STX18: variants seen among roughly 807,000 people sequenced by gnomAD.
STX18 encodes syntaxin 18.
A neutral mutation model predicts 50.1 loss-of-function variants in STX18; 40 were observed. The observed-to-expected ratio is 0.80, with a 90% confidence interval of 0.62 to 1.04. The LOEUF (loss-of-function observed/expected upper bound fraction) is 1.04. Ranked by LOEUF, STX18 falls within the 50% of genes least tolerant of loss-of-function variation. The probability of loss-of-function intolerance (pLI) is 0.00; values close to 1 mark genes in which losing one functional copy is unlikely to be tolerated. For synonymous variants in STX18, 158 were observed against 151.8 expected (o/e 1.04, Z -0.30); for missense variants, 410 against 415.8 (o/e 0.99, Z 0.12).
In STX18 at chr4:4,505,235, C is replaced by T. The variant is rs2108883825; in HGVS notation, c.169-33529G>A. Among the ~76,000 whole-genome samples the T allele has an allele frequency of 2.0e-5, 3 of 152,332 alleles. No individual in the cohort carries two copies. In the Middle Eastern group the frequency reaches 0.01, roughly 518 times the overall value. On this transcript the variant is annotated intron_variant, in intron 1 of 10. Coordinates refer to ENST00000306200, the MANE Select transcript of STX18 (RefSeq NM_016930.4). Reference sequence around the variant, plus strand: ...TTGAAAATATGGGAAGTCAAAAATGCATTTAATACACCTAACCTACCAAAC... The same window carrying T: ...TTGAAAATATGGGAAGTCAAAAATGTATTTAATACACCTAACCTACCAAAC...
chr4:4,450,686 G>C (rs1312819644), intron 5 of STX18, among the ~76,000 whole-genome samples: 1 of 152,048 alleles, frequency 6.6e-6, no homozygotes, highest in Non-Finnish European at 1.5e-5. Flanking sequence ...CTCCAGCACG[G>C]ATCAGTCCCT....
At chr4:4,473,342 G>C (rs560746004) in intron 1 of STX18, among the ~76,000 whole-genome samples, 2 of 150,196 alleles carry the variant, frequency 1.3e-5, no homozygotes, top group South Asian at 4.3e-4. Context: ...ACCAGGGCTG[G>C]AGTGCAGTGG....
At chr4:4,514,950 A>T (rs536328921) in intron 1 of STX18, among the ~76,000 whole-genome samples, 3 of 152,320 alleles carry the variant, frequency 2.0e-5, no homozygotes, top group East Asian at 3.9e-4. Flanking sequence ...TCCATAAACT[A>T]TGGGGACAGG....
intron 2 of STX18, among the ~76,000 whole-genome samples, chr4:4,461,264 T>C (rs1368465862): frequency 6.6e-6 from 1 of 152,202 alleles, no homozygotes. Context: ...ATTCTATTAG[T>C]AAGAACAACA....
At chr4:4,531,427 T>G (rs976011938) in intron 1 of STX18, among the ~76,000 whole-genome samples, 8 of 152,342 alleles carry the variant, frequency 5.3e-5, no homozygotes, top group Admixed American at 5.2e-4. Flanking sequence ...TACTAGAAAC[T>G]CTTTTTGTTG....
At chr4:4,458,257 T>C (rs1017841842) in intron 3 of STX18, among the ~76,000 whole-genome samples, 1 of 152,212 alleles carries the variant, frequency 6.6e-6, no homozygotes, top group South Asian at 2.1e-4. Flanking sequence ...TATGTAAATG[T>C]AGGTTTTGTT....
chr4:4,459,090 A>AC, intron 3 of STX18, among the ~76,000 whole-genome samples: 2 of 150,352 alleles, frequency 1.3e-5, no homozygotes, highest in Non-Finnish European at 1.5e-5. Context: ...ACACACACAC[A>AC]AATTTGTCTT....
chr4:4,425,146 G>A lies in STX18; in HGVS notation c.761+18C>T, dbSNP rs1318194164. On this transcript the variant is annotated intron_variant, in intron 8 of 10. Coordinates refer to ENST00000306200, the MANE Select transcript of STX18 (RefSeq NM_016930.4). ...TTGTAAAGCAGGCTATCAGCTCACA[G>A]AGGAGCTACAAACATACCTCACTTC... is the stretch of plus-strand genomic sequence containing the variant. 1 of 1,606,296 alleles carries A rather than the reference G, an allele frequency of 6.2e-7. No individual in the cohort carries two copies. Among genetic ancestry groups the A allele is most frequent in the Non-Finnish European group, 8.5e-7 (1 of 1,172,928 alleles).
At chr4:4,517,518 T>C (rs1172659080) in intron 1 of STX18, among the ~76,000 whole-genome samples, 1 of 152,194 alleles carries the variant, frequency 6.6e-6, no homozygotes, top group African/African-American at 2.4e-5. Flanking sequence ...GAAAGCTTTA[T>C]AATTAAAACA....
intron 1 of STX18, among the ~76,000 whole-genome samples, chr4:4,501,311 T>A (rs1729448051): frequency 6.6e-6 from 1 of 152,152 alleles, no homozygotes; most frequent in African/African-American, 2.4e-5. Flanking sequence ...CCTCATTCTG[T>A]TTGCCTCACA....
At chr4:4,465,068 G>A (rs962407304) in intron 2 of STX18, among the ~76,000 whole-genome samples, 6 of 152,074 alleles carry the variant, frequency 3.9e-5, no homozygotes, top group African/African-American at 7.2e-5. Flanking sequence ...TGGGCATTTA[G>A]TGCTATAAAT....
chr4:4,507,879 T>C (rs1171525317), intron 1 of STX18: 1 of 563,982 alleles, frequency 1.8e-6, no homozygotes, highest in Non-Finnish European at 3.1e-6. Context: ...ACGAGTTTCC[T>C]AGTCCCTTAT....
At chr4:4,462,057 C>T (rs939241847) in intron 2 of STX18, 9 of 446,094 alleles carry the variant, frequency 2.0e-5, no homozygotes, top group African/African-American at 1.0e-4. Context: ...CAAGGCCACC[C>T]GCCTGCAAAC....
chr4:4,537,171 C>A (rs4689878), intron 1 of STX18, among the ~76,000 whole-genome samples: 23,688 of 152,122 alleles, frequency 0.16, 1,947 homozygotes, highest in Admixed American at 0.18. Context: ...GAAGAGCTGC[C>A]ACTATGAGGC....
At chr4:4,520,743 C>A (rs906253608) in intron 1 of STX18, among the ~76,000 whole-genome samples, 3 of 152,032 alleles carry the variant, frequency 2.0e-5, no homozygotes, top group Non-Finnish European at 4.4e-5. Context: ...AAAAAAAACA[C>A]TGATTCCAAA....
At position 4,450,553 on chromosome 4, in the gene STX18, C is replaced by G. The variant is rs57400836; in HGVS notation, c.497+6638G>C. On this transcript the variant is annotated intron_variant, in intron 5 of 10. Transcript: ENST00000306200. ...TCCCGGCCTCAAGCAATCCACCCAC[C>G]TTGGCCTCCTAAAGTGCTAGGATTA... Among the ~76,000 whole-genome samples, 489 of 152,342 alleles carry G rather than the reference C, an allele frequency of 3.2e-3. 1 individual carries two copies. The highest frequency in any genetic ancestry group is 0.011 in the African/African-American group (455 of 41,574).
intron 1 of STX18, among the ~76,000 whole-genome samples, chr4:4,495,738 C>G (rs1269976866): frequency 6.6e-6 from 1 of 152,002 alleles, no homozygotes; most frequent in African/African-American, 2.4e-5. Flanking sequence ...GCACCTCCCC[C>G]AGACCAAATT....
intron 1 of STX18, among the ~76,000 whole-genome samples, chr4:4,517,352 A>G (rs147838991): frequency 1.3e-5 from 2 of 152,340 alleles, no homozygotes; most frequent in Non-Finnish European, 2.9e-5. Flanking sequence ...AAATAGTAAG[A>G]CAGTGTAGAA....
At chr4:4,434,725 T>G (rs779351757) in intron 7 of STX18, 45 bp downstream of exon 7, 1 of 1,531,228 alleles carries the variant, frequency 6.5e-7, no homozygotes, top group African/African-American at 1.4e-5. Context: ...AACAGTCTTA[T>G]GAAAACCAGT....
Sources: allele counts gnomAD v4.1 joint callset (sites outside exome capture counted in the v4.1 genomes callset), GRCh38; gene constraint gnomAD v4.1.1; transcripts MANE v1.5; gene names NCBI Gene and HGNC (gene_info 2026-07-23, HGNC 2026-07-21).